The following CFAP44 variants were observed in gnomAD, a reference collection of about 807,000 sequenced individuals.
The protein encoded by CFAP44 is cilia- and flagella-associated protein 44.
A neutral mutation model predicts 216.2 loss-of-function variants in CFAP44; 134 were observed. The ratio of observed to expected loss-of-function variants is 0.62; its 90% CI spans 0.54 to 0.72. The LOEUF (loss-of-function observed/expected upper bound fraction) is 0.72. Ranked by LOEUF, CFAP44 falls within the 30% of genes least tolerant of loss-of-function variation. The pLI is 0.00. For missense variants in CFAP44, 2,035 were observed against 2,182.1 expected, an observed-to-expected ratio of 0.93 and a Z score of 1.34; for synonymous variants, 700 against 727.6, an observed-to-expected ratio of 0.96 and a Z score of 0.61.
intron 28 of CFAP44, among the ~76,000 whole-genome samples, chr3:113,315,698 GC>G (rs1950079871): frequency 6.6e-6 from 1 of 152,166 alleles, no homozygotes; most frequent in South Asian, 2.1e-4. Context: ...AAAGCAATAT[GC>G]ATTTGGTAGA....
intron 15 of CFAP44, among the ~76,000 whole-genome samples, chr3:113,391,307 G>T (rs1345143597): frequency 6.6e-6 from 1 of 152,052 alleles, no homozygotes; most frequent in Non-Finnish European, 1.5e-5. Flanking sequence ...AGAATAAAAT[G>T]ACCCCTATCT....
intron 18 of CFAP44, among the ~76,000 whole-genome samples, chr3:113,372,399 A>T (rs1933196833): frequency 6.6e-6 from 1 of 150,908 alleles, no homozygotes; most frequent in Non-Finnish European, 1.5e-5. Flanking sequence ...CTATGCAGCC[A>T]TAAAAAAGGA....
intron 32 of CFAP44, among the ~76,000 whole-genome samples, chr3:113,302,386 AAGT>A: frequency 6.6e-6 from 1 of 151,436 alleles, no homozygotes; most frequent in East Asian, 1.9e-4. Flanking sequence ...AACCATAAAT[AAGT>A]AGATTGATTA....
chr3:113,395,385 T>C (rs1407206098), intron 15 of CFAP44, among the ~76,000 whole-genome samples: 1 of 152,228 alleles, frequency 6.6e-6, no homozygotes, highest in East Asian at 1.9e-4. Flanking sequence ...GACCTTAGAA[T>C]TCAGCTTCTG....
At chr3:113,363,769 T>C (rs17256418) in intron 19 of CFAP44, among the ~76,000 whole-genome samples, 5,924 of 152,286 alleles carry the variant, frequency 0.039, 163 homozygotes, top group Non-Finnish European at 0.054. Context: ...CTTAACCTAA[T>C]CATATGTTTG....
chr3:113,329,819 T>C (rs1950224645), intron 26 of CFAP44, among the ~76,000 whole-genome samples: 1 of 152,288 alleles, frequency 6.6e-6, no homozygotes, highest in Non-Finnish European at 1.5e-5. Flanking sequence ...CTATGTTCCA[T>C]CCATTATCTA....
At chr3:113,329,539 A>T (rs933772777) in intron 26 of CFAP44, among the ~76,000 whole-genome samples, 1 of 152,222 alleles carries the variant, frequency 6.6e-6, no homozygotes, top group Non-Finnish European at 1.5e-5. Context: ...CTGGAAAGAC[A>T]CACTGAGGAA....
intron 21 of CFAP44, chr3:113,361,428 G>A (rs1383219939): frequency 6.6e-6 from 1 of 152,364 alleles, no homozygotes; most frequent in Non-Finnish European, 1.5e-5. Flanking sequence ...TTTGTGTATT[G>A]TGTTAAAGTA....
At chr3:113,427,794 G>A (rs1447023841) in intron 2 of CFAP44, among the ~76,000 whole-genome samples, 1 of 152,046 alleles carries the variant, frequency 6.6e-6, no homozygotes, top group African/African-American at 2.4e-5. Flanking sequence ...AATGAGAACT[G>A]GTATAGGAGT....
rs1385763587 is a variant in CFAP44 at position 113,330,235 on chromosome 3, A to G, written c.4049T>C (p.Val1350Ala). ...GTCTCTCTTCATAATTTCCAGCTCC[A>G]CATCCGTTGGCTCTGCTTTTTCAAA... The part of the protein sequence containing the change: ...LEFEKAEPTD[V>A]ELEIMKRDEI... Residue 1350 changes from valine to alanine, a missense_variant, in exon 26 of 35, where the codon GTG becomes GCG. Around this residue, in one of 3 missense-constraint regions of CFAP44, gnomAD observed 1,883 missense variants for 2,023.7 expected, o/e 0.93. Transcript: ENST00000393845. 6.5e-6 allele frequency: 10 copies of G among 1,537,482 alleles called. No homozygotes were observed. Among genetic ancestry groups the G allele is most frequent in the Non-Finnish European group, 7.8e-6 (9 of 1,146,984 alleles).
At chr3:113,397,919 G>A (rs1934034463) in intron 13 of CFAP44, among the ~76,000 whole-genome samples, 1 of 152,068 alleles carries the variant, frequency 6.6e-6, no homozygotes, top group South Asian at 2.1e-4. Flanking sequence ...TTAAAATAAA[G>A]ATATCATAGT....
chr3:113,420,009 A>C lies in CFAP44; in HGVS notation c.570+8T>G. On this transcript the variant is annotated splice_region_variant and intron_variant, in intron 5 of 34. Coordinates refer to ENST00000393845, the MANE Select transcript of CFAP44 (RefSeq NM_001164496.2). ...TTGGGGTTTTTTTCTAATTTATTGA[A>C]GGCATACCCCAATGACGCCAATTCC... 6.2e-7 allele frequency: 1 copy of C among 1,608,098 alleles called. No individual in the cohort carries two copies. Among genetic ancestry groups the C allele is most frequent in the Non-Finnish European group, 8.5e-7 (1 of 1,178,108 alleles).
chr3:113,405,970 A>ACTTG (rs936015026), intron 8 of CFAP44, among the ~76,000 whole-genome samples: 2 of 152,198 alleles, frequency 1.3e-5, no homozygotes, highest in African/African-American at 4.8e-5. Flanking sequence ...TGACTAGACA[A>ACTTG]CTTGGTTCCT....
rs58221881 is a variant in CFAP44 at position 113,433,429 on chromosome 3, C to CAA, written c.100+134_100+135dup. On this transcript the variant is annotated intron_variant, in intron 2 of 34. Transcript: ENST00000393845. The stretch of plus-strand genomic sequence containing the variant: ...GGGCAACAAGAGCAAAACTCCATCT[C>CAA]AAAAAAAAAAAAAAAAAAAAAAAAA... 8.6e-3 allele frequency: 1,103 copies of CAA among 127,620 alleles called. 24 individuals carry two copies. The highest frequency in any genetic ancestry group is 0.018 in the African/African-American group (238 of 13,098). The allele number at this position is 127,620 out of a possible 1,614,324, so 7.9% of individuals were successfully genotyped here. A position where few individuals can be genotyped will look rare whatever the true frequency, so the allele number is the denominator to read the frequency against.
intron 1 of CFAP44, among the ~76,000 whole-genome samples, chr3:113,438,174 T>C (rs563669034): frequency 6.6e-6 from 1 of 152,302 alleles, no homozygotes; most frequent in East Asian, 1.9e-4. Flanking sequence ...ATGGCAGTTG[T>C]TTTTACTATA....
At chr3:113,339,837 C>A (rs1015500657) in intron 24 of CFAP44, among the ~76,000 whole-genome samples, 1 of 152,126 alleles carries the variant, frequency 6.6e-6, no homozygotes, top group Admixed American at 6.5e-5. Context: ...CTAGGGGGAG[C>A]CCTCTCACTT....
At chr3:113,434,504 C>T (rs1935189510) in intron 1 of CFAP44, 2 of 152,156 alleles carry the variant, frequency 1.3e-5, no homozygotes. Flanking sequence ...AACTGAAAAC[C>T]ATTAAAGGGT....
intron 22 of CFAP44, among the ~76,000 whole-genome samples, chr3:113,346,394 G>T (rs1950382534): frequency 6.6e-6 from 1 of 151,750 alleles, no homozygotes; most frequent in Admixed American, 6.6e-5. Flanking sequence ...CTAGCTAAAG[G>T]ATTGTAAGTG....
chr3:113,308,098 C>T, intron 29 of CFAP44, 60 bp downstream of exon 29: 1 of 1,328,732 alleles, frequency 7.5e-7, no homozygotes, highest in Non-Finnish European at 1.0e-6. Context: ...AAAGGGTCTT[C>T]CCAGTATTGC....
Sources: gnomAD v4.1 joint callset for allele counts (sites outside exome capture counted in the v4.1 genomes callset) on GRCh38, gnomAD v4.1.1 for gene constraint, gnomAD v4.1.1 regional missense constraint, MANE v1.5 for transcripts, NCBI Gene and HGNC (gene_info 2026-07-23, HGNC 2026-07-21) for gene names.